The following PPP1R13L variants were observed in gnomAD, a reference collection of about 807,000 sequenced individuals.
The protein encoded by PPP1R13L is relA-associated inhibitor.
In PPP1R13L, 50 loss-of-function variants were observed where a neutral mutation model predicts 80.9. The observed-to-expected ratio is 0.62, with a 90% CI of 0.49 to 0.78. The LOEUF is 0.78. Ranked by LOEUF, PPP1R13L falls within the 30% of genes least tolerant of loss-of-function variation. The pLI is 0.00. For missense variants in PPP1R13L, 1,200 were observed against 1,205.9 expected (o/e 1.00, Z 0.07); for synonymous variants, 602 against 534.3 (o/e 1.13, Z -1.75).
intron 7 of PPP1R13L, chr19:45,394,612 G>A (rs1973043006): frequency 6.7e-6 from 1 of 148,344 alleles, no homozygotes; most frequent in Admixed American, 6.8e-5. Flanking sequence ...ACAGTGGTGA[G>A]CCACCATGCC....
At chr19:45,394,354 G>T (rs1417599629) in intron 7 of PPP1R13L, among the ~76,000 whole-genome samples, 3 of 152,076 alleles carry the variant, frequency 2.0e-5, no homozygotes, top group Non-Finnish European at 4.4e-5. Context: ...TGTTGCCCAG[G>T]CTGGTCTTGA....
At chr19:45,381,319 C>T (rs1253000359) in intron 12 of PPP1R13L, among the ~76,000 whole-genome samples, 1 of 151,690 alleles carries the variant, frequency 6.6e-6, no homozygotes, top group East Asian at 1.9e-4. Context: ...GCCTTGGCCT[C>T]CCAAAGTGCT....
chr19:45,396,702 G>A lies in PPP1R13L; in HGVS notation c.555C>T (p.Arg185=), dbSNP rs748135333. ...FDFLGRAGSP[R]GSPLAEGPQA... ...GGGGCCCCTCCGCCAGGGGGCTGCCGCGGGGGGAGCCTGCGCGGCCCAGGA... is the reference window on the plus strand; with the variant it reads ...GGGGCCCCTCCGCCAGGGGGCTGCCACGGGGGGAGCCTGCGCGGCCCAGGA... Residue 185 remains arginine (R), a synonymous_variant, in exon 4 of 13, where the codon CGC becomes CGT. Coordinates refer to ENST00000360957, the MANE Select transcript of PPP1R13L (RefSeq NM_006663.4). This position sits in a 1 kb window ranked among gnomAD's most constrained non-coding sequence, Gnocchi z 5.3. The A allele has an allele frequency of 7.1e-7, 1 of 1,409,928 alleles. No homozygotes were observed. The highest frequency in any genetic ancestry group is 3.1e-5 in the Admixed American group (1 of 32,726). The allele number at this position is 1,409,928 out of a possible 1,614,324, so 87.3% of individuals were successfully genotyped here. A position where few individuals can be genotyped will look rare whatever the true frequency, so the allele number is the denominator to read the frequency against.
Position 45,396,246 on chromosome 19 carries a change from G to A in PPP1R13L, c.825C>T (p.Phe275=), listed in dbSNP as rs760786711. The change falls in exon 6 of 13, where the codon TTC becomes TTT. Residue 275 remains phenylalanine, a synonymous_variant. Transcript: ENST00000360957. This position sits in a 1 kb window ranked among gnomAD's most constrained non-coding sequence, Gnocchi z 5.3. ...QTASYERLDV[F]ARPASPSLQL... is the part of the protein sequence containing the mutation. ...GCAGGCTCGGCGAGGCAGGCCTTGC[G>A]AAGACGTCCAGGCCTGCGGGGCGGG... is the stretch of plus-strand genomic sequence containing the variant. 1 of 1,610,682 alleles carries A rather than the reference G, an allele frequency of 6.2e-7. No homozygotes were observed.
At position 45,395,581 on chromosome 19, in the gene PPP1R13L, C is replaced by T. The variant is rs1424727628; in HGVS notation, c.1209G>A (p.Pro403=). The T allele has an allele frequency of 1.4e-6, 2 of 1,445,288 alleles. No homozygotes were observed. Among genetic ancestry groups the T allele is most frequent in the Non-Finnish European group, 1.8e-6 (2 of 1,103,430 alleles). 89.5% of individuals were successfully genotyped at this position (1,445,288 alleles called of 1,614,324 possible). A position where few individuals can be genotyped will look rare whatever the true frequency, so the allele number is the denominator to read the frequency against. ...PGSPLFTRAP[P]PKLQPQPQPQ... is the part of the protein sequence containing the mutation. ...GTTGTGGTTGGGGCTGCAGCTTAGG[C>T]GGGGGTGCTCGGGTGAAGAGGGGGG... Residue 403 remains proline (P), a synonymous_variant, in exon 7 of 13, where the codon CCG becomes CCA. Coordinates refer to ENST00000360957, the MANE Select transcript of PPP1R13L (RefSeq NM_006663.4).
chr19:45,387,826 C>T (rs1001669014), intron 8 of PPP1R13L, among the ~76,000 whole-genome samples: 3 of 152,154 alleles, frequency 2.0e-5, no homozygotes, highest in Non-Finnish European at 4.4e-5. Context: ...GCTGGGATTA[C>T]AGGTGTGAGC....
chr19:45,401,180 T>C (rs1303971128), intron 1 of PPP1R13L, among the ~76,000 whole-genome samples: 3 of 151,094 alleles, frequency 2.0e-5, no homozygotes, highest in Non-Finnish European at 4.4e-5. Flanking sequence ...GGTGAAACCC[T>C]GTCTCTACTA....
At chr19:45,381,201 C>T (rs750422370) in intron 12 of PPP1R13L, among the ~76,000 whole-genome samples, 1 of 151,430 alleles carries the variant, frequency 6.6e-6, no homozygotes, top group Non-Finnish European at 1.5e-5. Flanking sequence ...ATTACAGGCA[C>T]CCGCCACCAC....
Position 45,380,162 on chromosome 19 carries a change from T to C in PPP1R13L, c.*28A>G, listed in dbSNP as rs1481234067. 6.2e-7 allele frequency: 1 copy of C among 1,612,494 alleles called. No homozygotes were observed. The highest frequency in any genetic ancestry group is 2.2e-5 in the East Asian group (1 of 44,848). ...GGGAAGGCAGGAATGCTTGTTTCTGTCAGCCTCAGAAACCTCCTTCTATCC... is the reference window on the plus strand; with the variant it reads ...GGGAAGGCAGGAATGCTTGTTTCTGCCAGCCTCAGAAACCTCCTTCTATCC... On this transcript the variant is annotated 3_prime_UTR_variant, in exon 13 of 13. Transcript: ENST00000360957.
chr19:45,398,984 C>T (rs1183196571), intron 1 of PPP1R13L, among the ~76,000 whole-genome samples: 1 of 151,980 alleles, frequency 6.6e-6, no homozygotes, highest in Admixed American at 6.6e-5. Context: ...CGCATTTTCG[C>T]CCAGGCTGGA....
intron 1 of PPP1R13L, among the ~76,000 whole-genome samples, chr19:45,403,365 A>G (rs2123406417): frequency 6.6e-6 from 1 of 152,092 alleles, no homozygotes; most frequent in East Asian, 1.9e-4. Flanking sequence ...CTGAGTTTTG[A>G]CACCCAGGGT....
chr19:45,386,240 A>G, intron 8 of PPP1R13L, 60 bp from the exon 9 acceptor site: 1 of 1,437,954 alleles, frequency 7.0e-7, no homozygotes, highest in Non-Finnish European at 9.1e-7. Context: ...TCCATGATCT[A>G]GAGTAGGAAA....
In PPP1R13L at chr19:45,396,931, T is replaced by C; in HGVS notation, c.326A>G (p.Tyr109Cys). 6.8e-7 allele frequency: 1 copy of C among 1,470,768 alleles called. No homozygotes were observed. The highest frequency in any genetic ancestry group is 1.4e-5 in the South Asian group (1 of 71,588). 91.1% of individuals were successfully genotyped at this position (1,470,768 alleles called of 1,614,324 possible). ...CCGTCCCTTGGGGGACAGCGGGCTG[T>C]AGGGGTGTAGGGTTGGGGCACTCTC... ...RSESAPTLHPYSPLSPKGRPS... is the reference protein window; with the variant it reads ...RSESAPTLHPCSPLSPKGRPS... The change falls in exon 4 of 13, where the codon TAC becomes TGC. Residue 109 changes from tyrosine (Y) to cysteine (C), a missense_variant. Coordinates refer to ENST00000360957, the MANE Select transcript of PPP1R13L (RefSeq NM_006663.4). The surrounding 1 kb of genome is among the most constrained non-coding windows in gnomAD (Gnocchi z 5.3).
intron 7 of PPP1R13L, chr19:45,393,150 C>T (rs575453863): frequency 2.6e-5 from 4 of 151,478 alleles, no homozygotes; most frequent in African/African-American, 9.8e-5. Flanking sequence ...TGCACCACTG[C>T]ACCACTGCAC....
At position 45,392,021 on chromosome 19, in the gene PPP1R13L, C is replaced by T. The variant is rs1972984061; in HGVS notation, c.1674G>A (p.Gly558=). ...SRLFHRHGGP[G]PGGPEPELSP... is the part of the protein sequence containing the mutation. ...ACAGCTCTGGCTCCGGCCCCCCGGG[C>T]CCTGGCCCCCCATGACGATGGAAGA... is the stretch of plus-strand genomic sequence containing the variant. Residue 558 remains glycine (G), a synonymous_variant, in exon 8 of 13, where the codon GGG becomes GGA. Coordinates refer to ENST00000360957, the MANE Select transcript of PPP1R13L (RefSeq NM_006663.4). 1 of 1,541,950 alleles carries T rather than the reference C, an allele frequency of 6.5e-7. No individual in the cohort carries two copies. Among genetic ancestry groups the T allele is most frequent in the South Asian group, 1.3e-5 (1 of 79,304 alleles).
chr19:45,393,590 C>T (rs1275739373), intron 7 of PPP1R13L, among the ~76,000 whole-genome samples: 1 of 151,702 alleles, frequency 6.6e-6, no homozygotes, highest in Non-Finnish European at 1.5e-5. Context: ...GAAACTCCAT[C>T]TTGGCTGGGC....
At chr19:45,394,493 T>C (rs1973040739) in intron 7 of PPP1R13L, among the ~76,000 whole-genome samples, 1 of 151,934 alleles carries the variant, frequency 6.6e-6, no homozygotes. Context: ...TATTTATTTA[T>C]TTATTTTTGA....
chr19:45,390,184 G>C (rs542637820), intron 8 of PPP1R13L, among the ~76,000 whole-genome samples: 1 of 152,040 alleles, frequency 6.6e-6, no homozygotes, highest in Non-Finnish European at 1.5e-5. Context: ...TCCGCCTTCC[G>C]GGTTTAAGCG....
At chr19:45,381,812 C>A (rs1403646622) in intron 12 of PPP1R13L, among the ~76,000 whole-genome samples, 1 of 149,548 alleles carries the variant, frequency 6.7e-6, no homozygotes, top group African/African-American at 2.5e-5. Flanking sequence ...TGGTGGCATG[C>A]GCCTGTCATC....
Sources: allele counts gnomAD v4.1 joint callset (sites outside exome capture counted in the v4.1 genomes callset), GRCh38; gene constraint gnomAD v4.1.1; non-coding constraint Gnocchi (gnomAD v3.1); transcripts MANE v1.5; gene names NCBI Gene and HGNC (gene_info 2026-07-23, HGNC 2026-07-21).